Variants in FBXO34 observed in about 807,000 individuals in gnomAD.
FBXO34 encodes the protein F-box protein 34.
In FBXO34, 12 loss-of-function variants were observed where a neutral mutation model predicts 24.5. The ratio of observed to expected loss-of-function variants is 0.49; its 90% CI spans 0.31 to 0.79. The LOEUF is 0.79. FBXO34 is among the 30% of genes least tolerant of loss of function. FBXO34 has a pLI of 0.04. For synonymous variants in FBXO34, 320 were observed against 311.9 expected, an observed-to-expected ratio of 1.03 and a Z score of -0.27; for missense variants, 823 against 857.7, an observed-to-expected ratio of 0.96 and a Z score of 0.51.
Position 55,324,037 on chromosome 14 carries a change from CCATGGGT to C in FBXO34, c.-10-26343_-10-26337del, listed in dbSNP as rs571031680. ...TAATTATAGAACATTTTTGTCACCC[CCATGGGT>C]GACAAAATGGGTAACTCCATACCCA... On this transcript the variant is annotated intron_variant, in intron 1 of 1. Transcript: ENST00000313833. Among the ~76,000 whole-genome samples the C allele has an allele frequency of 5.8e-4, 88 of 152,134 alleles. 2 individuals carry two copies. In the South Asian group the frequency reaches 0.018, roughly 31 times the overall value.
chr14:55,283,853 C>G (rs1255873994), intron 1 of FBXO34, among the ~76,000 whole-genome samples: 1 of 151,996 alleles, frequency 6.6e-6, no homozygotes, highest in South Asian at 2.1e-4. Flanking sequence ...AAAATACTAA[C>G]TTTACTGGAG....
At chr14:55,427,718 C>T in the FBXO34 span, among the ~76,000 whole-genome samples, 2 of 151,562 alleles carry the variant, frequency 1.3e-5, no homozygotes, top group Admixed American at 1.3e-4. Flanking sequence ...CGGCTGGGGG[C>T]GGGGGAGGAG....
the FBXO34 span, chr14:55,381,810 G>A: frequency 1.5e-6 from 1 of 652,280 alleles, no homozygotes; most frequent in Non-Finnish European, 2.6e-6. Context: ...TGATCAAAAT[G>A]TTTTGAAATG....
chr14:55,385,174 G>C, the FBXO34 span, among the ~76,000 whole-genome samples: 1 of 152,326 alleles, frequency 6.6e-6, no homozygotes, highest in Non-Finnish European at 1.5e-5. Context: ...TGTGAAAAAG[G>C]CATTTTTAAA....
At position 55,323,218 on chromosome 14, in the gene FBXO34, AAT is replaced by A. The variant is rs1555337921; in HGVS notation, c.-10-27156_-10-27155del. Among the ~76,000 whole-genome samples, 60 of 31,628 alleles carry A rather than the reference AAT, an allele frequency of 1.9e-3. 1 individual carries two copies. Among genetic ancestry groups the A allele is most frequent in the South Asian group, 2.9e-3 (2 of 698 alleles). 20.7% of individuals were successfully genotyped at this position (31,628 alleles called of 152,430 possible). On this transcript the variant is annotated intron_variant, in intron 1 of 1. Transcript: ENST00000313833. ...AAAAAAAAAAAAAAAAAAAAAAAAA[AAT>A]ATATATTTTTTTTTTTTTTTTTTTT...
At chr14:55,428,119 C>T in the FBXO34 span, among the ~76,000 whole-genome samples, 81 of 43,302 alleles carry the variant, frequency 1.9e-3, no homozygotes, top group Middle Eastern at 0.043. Flanking sequence ...CATGCCTTAT[C>T]TTTTTTTTTT....
chr14:55,414,771 T>C, the FBXO34 span, among the ~76,000 whole-genome samples: 1 of 152,362 alleles, frequency 6.6e-6, no homozygotes, highest in East Asian at 1.9e-4. Flanking sequence ...CATCAGCACC[T>C]GCGGGCACTT....
downstream of FBXO34, among the ~76,000 whole-genome samples, chr14:55,370,797 T>C (rs1051228420): frequency 2.8e-4 from 42 of 152,058 alleles, no homozygotes; most frequent in African/African-American, 4.1e-4. Flanking sequence ...CCTGCCACCA[T>C]GCCCGGCTAA....
chr14:55,349,602 A>ATTTTCT (rs1197123207), intron 1 of FBXO34, among the ~76,000 whole-genome samples: 1 of 90,398 alleles, frequency 1.1e-5, no homozygotes, highest in Admixed American at 9.7e-5. Flanking sequence ...GGAAGCAATA[A>ATTTTCT]TTTTCTTTTT....
intron 1 of FBXO34, among the ~76,000 whole-genome samples, chr14:55,283,908 T>C (rs1485554845): frequency 6.6e-6 from 1 of 152,034 alleles, no homozygotes; most frequent in African/African-American, 2.4e-5. Context: ...TTATAACTTT[T>C]CCTAAAATTA....
chr14:55,435,678 G>A, the FBXO34 span, among the ~76,000 whole-genome samples: 1 of 152,160 alleles, frequency 6.6e-6, no homozygotes, highest in Non-Finnish European at 1.5e-5. Context: ...CATAAAGAAT[G>A]AGATTATTTT....
chr14:55,277,345 A>G (rs1346347996), intron 1 of FBXO34, among the ~76,000 whole-genome samples: 1 of 152,192 alleles, frequency 6.6e-6, no homozygotes, highest in African/African-American at 2.4e-5. Flanking sequence ...TTTTTGAGAC[A>G]GTCTCGCTTT....
At chr14:55,418,446 T>C in the FBXO34 span, among the ~76,000 whole-genome samples, 2 of 152,368 alleles carry the variant, frequency 1.3e-5, no homozygotes, top group South Asian at 2.1e-4. Context: ...CAGTCGTGTG[T>C]GTATAAGTCA....
intron 1 of FBXO34, among the ~76,000 whole-genome samples, chr14:55,283,952 GTGTGTGTGTGTGTGTGTGTGTGTC>G (rs1881654247): frequency 6.9e-6 from 1 of 144,754 alleles, no homozygotes; most frequent in African/African-American, 2.9e-5. Flanking sequence ...CTATGTGTGT[GTGTGTGTGTGTGTGTGTGTGTGTC>G]TGTGTGTGTG....
At chr14:55,428,979 G>T in the FBXO34 span, 1 of 1,613,926 alleles carries the variant, frequency 6.2e-7, no homozygotes, top group Non-Finnish European at 8.5e-7. Context: ...TCTTCACTGG[G>T]GAGGGGCAAA....
chr14:55,414,740 AAT>A, the FBXO34 span, among the ~76,000 whole-genome samples: 2 of 152,334 alleles, frequency 1.3e-5, no homozygotes, highest in South Asian at 4.1e-4. Flanking sequence ...ATGTGCCATG[AAT>A]ATGGCCTCAG....
At chr14:55,307,829 CA>C (rs772802758) in intron 1 of FBXO34, among the ~76,000 whole-genome samples, 2 of 152,186 alleles carry the variant, frequency 1.3e-5, no homozygotes, top group Non-Finnish European at 2.9e-5. Flanking sequence ...TAATGACCTT[CA>C]TGCTCTCATA....
intron 1 of FBXO34, among the ~76,000 whole-genome samples, chr14:55,293,248 G>A (rs892905565): frequency 6.6e-6 from 1 of 151,720 alleles, no homozygotes; most frequent in South Asian, 2.1e-4. Context: ...GCACAATCTC[G>A]GCTCACTGCA....
the FBXO34 span, among the ~76,000 whole-genome samples, chr14:55,378,952 C>T: frequency 6.6e-6 from 1 of 152,092 alleles, no homozygotes; most frequent in Non-Finnish European, 1.5e-5. Context: ...AAGTGATCCT[C>T]CTGCCTCAGC....
Sources: gnomAD v4.1 joint callset for allele counts (sites outside exome capture counted in the v4.1 genomes callset) on GRCh38, gnomAD v4.1.1 for gene constraint, MANE v1.5 for transcripts, NCBI Gene and HGNC (gene_info 2026-07-23, HGNC 2026-07-21) for gene names.